The following ZNF605 variants were observed in gnomAD, a reference collection of about 807,000 sequenced individuals.
The protein encoded by ZNF605 is zinc finger protein 605.
ZNF605 carries 9 observed loss-of-function variants against 7.9 expected under a neutral mutation model. The observed-to-expected ratio is 1.14, with a 90% CI of 0.68 to 1.98. The LOEUF (loss-of-function observed/expected upper bound fraction) is 1.98. ZNF605 is among the 30% of genes most tolerant of loss of function. ZNF605 has a pLI of 0.00. For synonymous variants in ZNF605, 255 were observed against 260.1 expected (o/e 0.98, Z 0.19); for missense variants, 673 against 762.4 (o/e 0.88, Z 1.38).
chr12:132,938,913 G>A (rs1208750058), intron 3 of ZNF605, among the ~76,000 whole-genome samples: 36 of 152,266 alleles, frequency 2.4e-4, no homozygotes, highest in Middle Eastern at 3.4e-3. Context: ...GGCTGCGGAG[G>A]GTGTACTGGG....
Position 132,926,760 on chromosome 12 carries a change from T to C in ZNF605, c.539A>G (p.Lys180Arg), listed in dbSNP as rs1593579922. 8 of 1,613,892 alleles carry C rather than the reference T, an allele frequency of 5.0e-6. No homozygotes were observed. In the East Asian group the frequency reaches 1.8e-4, roughly 36 times the overall value. ...LCMECGRFFN[K>R]KSQLVIHQRT... Reference sequence around the variant, plus strand: ...CTGGTGTATAACAAGTTGTGACTTCTTGTTAAAAAATCTGCCACATTCCAT... The same window carrying C: ...CTGGTGTATAACAAGTTGTGACTTCCTGTTAAAAAATCTGCCACATTCCAT... Residue 180 changes from lysine to arginine, a missense_variant, in exon 5 of 5, where the codon AAG (lysine) becomes AGG (arginine). Lys to Arg is a conservative substitution (Grantham distance 26, BLOSUM62 2). Coordinates refer to ENST00000360187, the MANE Select transcript of ZNF605 (RefSeq NM_183238.4).
At chr12:132,943,831 G>A (rs1191025371) in intron 3 of ZNF605, among the ~76,000 whole-genome samples, 3 of 152,130 alleles carry the variant, frequency 2.0e-5, no homozygotes, top group Admixed American at 2.0e-4. Context: ...ACTCCATCTT[G>A]AGTGAGGGCG....
At chr12:132,929,366 C>G (rs1952282852) in intron 4 of ZNF605, among the ~76,000 whole-genome samples, 1 of 152,126 alleles carries the variant, frequency 6.6e-6, no homozygotes, top group Non-Finnish European at 1.5e-5. Context: ...GCCTGCGTGA[C>G]TGAGTGAGAC....
chr12:132,938,531 C>A (rs1488598432), intron 3 of ZNF605, among the ~76,000 whole-genome samples: 1 of 152,012 alleles, frequency 6.6e-6, no homozygotes, highest in African/African-American at 2.4e-5. Flanking sequence ...GAACTCCCGA[C>A]CTCAGGTGAT....
chr12:132,951,842 C>T (rs989564132), intron 1 of ZNF605, among the ~76,000 whole-genome samples: 2 of 151,642 alleles, frequency 1.3e-5, no homozygotes, highest in Non-Finnish European at 1.5e-5. Context: ...TACACATACA[C>T]GCATACATCA....
rs766503948 is a variant in ZNF605, at chr12:132,930,743, G to A, written c.136+2292C>T. On this transcript the variant is annotated intron_variant, in intron 4 of 4. Transcript: ENST00000360187. Reference sequence around the variant, plus strand: ...TTCCTCTCATTCCACATGAGAAGTGGTTCTAAATTAATAGGGGAATATAAC... The same window carrying A: ...TTCCTCTCATTCCACATGAGAAGTGATTCTAAATTAATAGGGGAATATAAC... 1.9e-3 allele frequency among the ~76,000 whole-genome samples: 293 copies of A among 152,236 alleles called. 1 individual carries two copies. Among genetic ancestry groups the A allele is most frequent in the Admixed American group, 3.5e-3 (53 of 15,304 alleles).
chr12:132,951,880 TAC>T (rs372327447), intron 1 of ZNF605, among the ~76,000 whole-genome samples: 2 of 145,790 alleles, frequency 1.4e-5, no homozygotes, highest in Non-Finnish European at 3.0e-5. Flanking sequence ...CATACACACA[TAC>T]ACACTCATAC....
intron 3 of ZNF605, chr12:132,945,145 G>A (rs945952969): frequency 1.1e-5 from 5 of 445,440 alleles, no homozygotes; most frequent in African/African-American, 9.9e-5. Flanking sequence ...TGTATTTTCA[G>A]TAGAGACGGG....
intron 4 of ZNF605, 64 bp downstream of exon 4, chr12:132,932,971 A>AT: frequency 6.6e-7 from 1 of 1,514,270 alleles, no homozygotes; most frequent in Non-Finnish European, 8.8e-7. Flanking sequence ...TTACATCCAA[A>AT]ATAAACAAAC....
rs1952205281 is a variant in ZNF605 at position 132,921,536 on chromosome 12, G to C, written c.*3837C>G. 1 of 152,168 alleles carries C rather than the reference G, an allele frequency of 6.6e-6. No homozygotes were observed. Among genetic ancestry groups the C allele is most frequent in the Non-Finnish European group, 1.5e-5 (1 of 68,026 alleles). 9.4% of individuals were successfully genotyped at this position (152,168 alleles called of 1,614,324 possible). A position where few individuals can be genotyped will look rare whatever the true frequency, so the allele number is the denominator to read the frequency against. ...AAGAGACAATCACAACTCACACAATGCTATATTCAAATTATGCCAAAGTCC... is the reference window on the plus strand; with the variant it reads ...AAGAGACAATCACAACTCACACAATCCTATATTCAAATTATGCCAAAGTCC... On this transcript the variant is annotated 3_prime_UTR_variant, in exon 5 of 5. Transcript: ENST00000360187.
At chr12:132,929,587 A>C (rs1379410738) in intron 4 of ZNF605, among the ~76,000 whole-genome samples, 1 of 152,230 alleles carries the variant, frequency 6.6e-6, no homozygotes, top group Non-Finnish European at 1.5e-5. Flanking sequence ...AAATTGTTTT[A>C]TAAGATGTGG....
intron 1 of ZNF605, among the ~76,000 whole-genome samples, chr12:132,951,367 G>A (rs1017272028): frequency 2.7e-5 from 4 of 146,784 alleles, no homozygotes; most frequent in South Asian, 2.2e-4. Flanking sequence ...AGATACACAC[G>A]TACATCACAC....
In ZNF605 at chr12:132,922,639, A is replaced by T. The variant is rs979064357; in HGVS notation, c.*2734T>A. 1 of 152,238 alleles carries T rather than the reference A, an allele frequency of 6.6e-6. No individual in the cohort carries two copies. The highest frequency in any genetic ancestry group is 1.5e-5 in the Non-Finnish European group (1 of 68,050). The allele number at this position is 152,238 out of a possible 1,614,324, so 9.4% of individuals were successfully genotyped here. ...CAGAATATTAACTCAAGAACAATTA[A>T]TAAAGGCACTATTTACAAATATGTG... On this transcript the variant is annotated 3_prime_UTR_variant, in exon 5 of 5. Transcript: ENST00000360187.
At chr12:132,932,839 A>C in intron 4 of ZNF605, 196 bp downstream of exon 4, 1 of 1,491,268 alleles carries the variant, frequency 6.7e-7, no homozygotes, top group Non-Finnish European at 9.0e-7. Flanking sequence ...CTTGGACCTA[A>C]CTGCCTGGGC....
In ZNF605 at chr12:132,921,812, G is replaced by A. The variant is rs1217251404; in HGVS notation, c.*3561C>T. 1 of 152,212 alleles carries A rather than the reference G, an allele frequency of 6.6e-6. No homozygotes were observed. The highest frequency in any genetic ancestry group is 1.5e-5 in the Non-Finnish European group (1 of 68,058). The allele number at this position is 152,212 out of a possible 1,614,324, so 9.4% of individuals were successfully genotyped here. A position where few individuals can be genotyped will look rare whatever the true frequency, so the allele number is the denominator to read the frequency against. Reference sequence around the variant, plus strand: ...TGTCCAGCTGGAGAGAAGGCCTGGTGGACAGAAGACAAAGGAAGGCAAAAT... The same window carrying A: ...TGTCCAGCTGGAGAGAAGGCCTGGTAGACAGAAGACAAAGGAAGGCAAAAT... On this transcript the variant is annotated 3_prime_UTR_variant, in exon 5 of 5. Coordinates refer to ENST00000360187, the MANE Select transcript of ZNF605 (RefSeq NM_183238.4).
At chr12:132,934,707 A>AG (rs1424168958) in intron 3 of ZNF605, among the ~76,000 whole-genome samples, 1 of 107,332 alleles carries the variant, frequency 9.3e-6, no homozygotes, top group Non-Finnish European at 2.1e-5. Flanking sequence ...TCCGTCTAAA[A>AG]AAAAAAAAAA....
At chr12:132,934,252 T>C (rs1296422671) in intron 3 of ZNF605, among the ~76,000 whole-genome samples, 1 of 151,644 alleles carries the variant, frequency 6.6e-6, no homozygotes, top group Admixed American at 6.6e-5. Context: ...GCATGCAGCC[T>C]GGGCAACAGA....
intron 4 of ZNF605, among the ~76,000 whole-genome samples, chr12:132,928,338 T>C (rs1446659264): frequency 6.6e-6 from 1 of 152,206 alleles, no homozygotes; most frequent in African/African-American, 2.4e-5. Context: ...ATTACTTAAA[T>C]CACTGATATC....
intron 4 of ZNF605, among the ~76,000 whole-genome samples, chr12:132,928,707 T>C (rs1278972596): frequency 6.6e-6 from 1 of 152,182 alleles, no homozygotes; most frequent in Non-Finnish European, 1.5e-5. Flanking sequence ...AGATCTGGCA[T>C]GGTCTCAAAT....
Sources: allele counts gnomAD v4.1 joint callset (sites outside exome capture counted in the v4.1 genomes callset), GRCh38; gene constraint gnomAD v4.1.1; transcripts MANE v1.5; gene names NCBI Gene and HGNC (gene_info 2026-07-23, HGNC 2026-07-21).